TRHR: variants seen among roughly 807,000 people sequenced by gnomAD.
TRHR encodes thyrotropin-releasing hormone receptor.
Under a neutral mutation model 28.0 loss-of-function variants are expected in TRHR, and 14 were observed. The ratio of observed to expected loss-of-function variants is 0.50; its 90% CI spans 0.33 to 0.78. TRHR has a LOEUF of 0.78. Ranked by LOEUF, TRHR falls within the 30% of genes least tolerant of loss-of-function variation. The pLI is 0.02. For missense variants in TRHR, 438 were observed against 469.5 expected (o/e 0.93, Z 0.62); for synonymous variants, 176 against 171.9 (o/e 1.02, Z -0.18).
chr8:109,120,807 A>T lies in TRHR; in HGVS notation c.*1352A>T, dbSNP rs1811997072. Among the ~76,000 whole-genome samples the T allele has an allele frequency of 6.6e-6, 1 of 151,562 alleles. No individual in the cohort carries two copies. Among genetic ancestry groups the T allele is most frequent in the African/African-American group, 2.4e-5 (1 of 41,334 alleles). ...ACCTATTGAGATTTGGCCAACCAGA[A>T]TCTCCGAGGGCAAAAATTGCCCTTG... On this transcript the variant is annotated 3_prime_UTR_variant, in exon 3 of 3. Coordinates refer to ENST00000518632, the MANE Select transcript of TRHR (RefSeq NM_003301.7).
chr8:109,096,853 T>C (rs1269955668), intron 2 of TRHR, among the ~76,000 whole-genome samples: 3 of 152,172 alleles, frequency 2.0e-5, no homozygotes, highest in African/African-American at 7.2e-5. Context: ...AAAGAGTTCA[T>C]TCGTACGGAC....
At chr8:109,091,242 G>T (rs1811513726) in intron 2 of TRHR, among the ~76,000 whole-genome samples, 1 of 152,132 alleles carries the variant, frequency 6.6e-6, no homozygotes. Flanking sequence ...AAGAAAGAAA[G>T]GGTGTGATGT....
chr8:109,101,311 G>A (rs910274624), intron 2 of TRHR, among the ~76,000 whole-genome samples: 2 of 152,262 alleles, frequency 1.3e-5, no homozygotes, highest in Middle Eastern at 3.4e-3. Context: ...TGTAGAAAGC[G>A]GAATAGAAAG....
At position 109,087,482 on chromosome 8, in the gene TRHR, AGTG is replaced by A. The variant is rs773668009; in HGVS notation, c.-30_-28del. 1 of 1,613,236 alleles carries A rather than the reference AGTG, an allele frequency of 6.2e-7. No individual in the cohort carries two copies. Among genetic ancestry groups the A allele is most frequent in the Admixed American group, 1.7e-5 (1 of 60,000 alleles). On this transcript the variant is annotated 5_prime_UTR_variant, in exon 2 of 3. Coordinates refer to ENST00000518632, the MANE Select transcript of TRHR (RefSeq NM_003301.7). ...TGGAAAGAAGATGTTTTGAGAAGTC[AGTG>A]TTTCCGAGAAACTTTAAGCTTCTAA...
intron 2 of TRHR, among the ~76,000 whole-genome samples, chr8:109,116,920 G>T (rs1811930899): frequency 6.6e-6 from 1 of 151,948 alleles, no homozygotes; most frequent in Admixed American, 6.6e-5. Flanking sequence ...AAGTATGCCT[G>T]GAGGCGCTGT....
chr8:109,109,189 G>A (rs1018549599), intron 2 of TRHR, among the ~76,000 whole-genome samples: 2 of 151,916 alleles, frequency 1.3e-5, no homozygotes, highest in Non-Finnish European at 2.9e-5. Context: ...TCCCACATAC[G>A]ACCTCCACCA....
intron 2 of TRHR, among the ~76,000 whole-genome samples, chr8:109,109,205 G>T (rs959697557): frequency 6.6e-6 from 1 of 151,968 alleles, no homozygotes. Context: ...CACCAATTCC[G>T]ACCTTTAAGC....
In TRHR at chr8:109,093,607, C is replaced by T. The variant is rs574307259; in HGVS notation, c.789+5306C>T. ...TTTTAGGAGAGACGGGGTTTCACCA[C>T]GTTGGCCAGGATAGTCTCGATCTCC... is the stretch of plus-strand genomic sequence containing the variant. On this transcript the variant is annotated intron_variant, in intron 2 of 2. Transcript: ENST00000518632. 2.4e-4 allele frequency among the ~76,000 whole-genome samples: 37 copies of T among 151,626 alleles called. 1 individual carries two copies. In the South Asian group the frequency reaches 7.3e-3, roughly 30 times the overall value.
intron 2 of TRHR, among the ~76,000 whole-genome samples, chr8:109,098,651 C>T (rs990422259): frequency 2.0e-5 from 3 of 152,148 alleles, no homozygotes; most frequent in Non-Finnish European, 2.9e-5. Context: ...TGCCCTCTGT[C>T]CCCCAACACA....
intron 2 of TRHR, 126 bp downstream of exon 2, chr8:109,088,427 G>A: frequency 9.8e-7 from 1 of 1,020,312 alleles, no homozygotes; most frequent in Admixed American, 2.1e-5. Flanking sequence ...ATGTTTCACA[G>A]TGTAAGCTTC....
chr8:109,095,436 T>C (rs1396972324), intron 2 of TRHR, among the ~76,000 whole-genome samples: 1 of 152,094 alleles, frequency 6.6e-6, no homozygotes, highest in Non-Finnish European at 1.5e-5. Context: ...GGGAGAAGAC[T>C]GGGCACGTTC....
At chr8:109,104,304 AT>A (rs1469399745) in intron 2 of TRHR, among the ~76,000 whole-genome samples, 1 of 152,168 alleles carries the variant, frequency 6.6e-6, no homozygotes, top group Non-Finnish European at 1.5e-5. Flanking sequence ...AGCACCAAAA[AT>A]TTATCATAAA....
chr8:109,096,183 G>C (rs1811588289), intron 2 of TRHR, among the ~76,000 whole-genome samples: 1 of 152,132 alleles, frequency 6.6e-6, no homozygotes, highest in Non-Finnish European at 1.5e-5. Context: ...TTACGCTCCA[G>C]CAATTCTGAA....
chr8:109,102,767 A>C (rs542525297), intron 2 of TRHR, among the ~76,000 whole-genome samples: 2 of 152,198 alleles, frequency 1.3e-5, no homozygotes, highest in East Asian at 3.9e-4. Flanking sequence ...TCATTTTTTT[A>C]AAAATAAATG....
At chr8:109,092,800 C>A (rs1350798910) in intron 2 of TRHR, among the ~76,000 whole-genome samples, 2 of 151,442 alleles carry the variant, frequency 1.3e-5, no homozygotes, top group Non-Finnish European at 2.9e-5. Flanking sequence ...GACAATGATG[C>A]TATAAAAGCA....
In TRHR at chr8:109,087,739, T is replaced by TGGCC. The variant is rs1475204158; in HGVS notation, c.229_232dup (p.Ala78GlyfsTer34). 1 of 1,614,060 alleles carries TGGCC rather than the reference T, an allele frequency of 6.2e-7. No individual in the cohort carries two copies. Among genetic ancestry groups the TGGCC allele is most frequent in the African/African-American group, 1.3e-5 (1 of 74,932 alleles). ...GCAGTAGCTGATCTCATGGTCTTGG[T>TGGCC]GGCCGCAGGCCTCCCCAACATAACA... On this transcript the variant is annotated frameshift_variant, in exon 2 of 3. Transcript: ENST00000518632. LOFTEE classifies it high-confidence loss of function.
intron 2 of TRHR, among the ~76,000 whole-genome samples, chr8:109,096,341 G>A (rs925044072): frequency 2.6e-5 from 4 of 152,170 alleles, no homozygotes; most frequent in Admixed American, 6.5e-5. Flanking sequence ...GATTTATATA[G>A]CTGCATTCCT....
intron 2 of TRHR, 98 bp from the exon 3 acceptor site, chr8:109,118,950 C>A: frequency 6.7e-7 from 1 of 1,481,752 alleles, no homozygotes; most frequent in Non-Finnish European, 9.4e-7. Flanking sequence ...TTGTCTCAGA[C>A]TACATTTTGG....
intron 2 of TRHR, among the ~76,000 whole-genome samples, chr8:109,116,608 T>A (rs1324501686): frequency 1.3e-5 from 2 of 151,956 alleles, no homozygotes. Context: ...TTATAGTACA[T>A]TCTGATGGTA....
Sources: allele counts gnomAD v4.1 joint callset (sites outside exome capture counted in the v4.1 genomes callset), GRCh38; gene constraint gnomAD v4.1.1; transcripts MANE v1.5; gene names NCBI Gene and HGNC (gene_info 2026-07-23, HGNC 2026-07-21).